The following CHRM3 variants were observed in gnomAD, a reference collection of about 807,000 sequenced individuals.
CHRM3 encodes cholinergic receptor muscarinic 3, also known as muscarinic acetylcholine receptor M3.
A neutral mutation model predicts 41.8 loss-of-function variants in CHRM3; 11 were observed. The ratio of observed to expected loss-of-function variants is 0.26; its 90% CI spans 0.17 to 0.44. CHRM3 has a LOEUF of 0.44. Among genes scored for constraint, CHRM3 ranks in the 20% least tolerant of loss-of-function variants. The pLI is 1.00. For missense variants in CHRM3, 571 were observed against 745.4 expected, an observed-to-expected ratio of 0.77 and a Z score of 2.72; for synonymous variants, 297 against 301.4, an observed-to-expected ratio of 0.99 and a Z score of 0.15.
At chr1:239,637,517 C>CTTTTTTTTTTTTTTTTTTTT (rs149963225) in intron 4 of CHRM3, among the ~76,000 whole-genome samples, 1 of 48,514 alleles carries the variant, frequency 2.1e-5, no homozygotes, top group Non-Finnish European at 3.5e-5. Flanking sequence ...TCATCAAAGT[C>CTTTTTTTTTTTTTTTTTTTT]TTTTTTTTTT....
At chr1:239,703,300 C>CA (rs1160259557) in intron 5 of CHRM3, 3 of 152,006 alleles carry the variant, frequency 2.0e-5, no homozygotes, top group Admixed American at 6.6e-5. Context: ...TGTCTGTGGA[C>CA]AAAAAAGCAA....
At chr1:239,885,706 G>A (rs1300049617) in intron 6 of CHRM3, among the ~76,000 whole-genome samples, 1 of 152,144 alleles carries the variant, frequency 6.6e-6, no homozygotes, top group Non-Finnish European at 1.5e-5. Flanking sequence ...CAGCGACCAA[G>A]CCATTAATCC....
chr1:239,801,674 C>T (rs1670225585), intron 5 of CHRM3, among the ~76,000 whole-genome samples: 1 of 152,122 alleles, frequency 6.6e-6, no homozygotes, highest in Non-Finnish European at 1.5e-5. Context: ...CTATAATCAG[C>T]TGTTACAAAT....
intron 3 of CHRM3, among the ~76,000 whole-genome samples, chr1:239,608,615 G>A (rs570212692): frequency 4.6e-5 from 7 of 152,092 alleles, no homozygotes; most frequent in South Asian, 2.1e-4. Flanking sequence ...AGAACATTTC[G>A]TATCTTTGAG....
rs142307073 is a variant in CHRM3, at chr1:239,573,318, A to C, written c.-313+27569A>C. Among the ~76,000 whole-genome samples, 29 of 152,294 alleles carry C rather than the reference A, an allele frequency of 1.9e-4. No homozygotes were observed. The East Asian group carries it at 2.9e-3, about 15-fold the overall frequency. On this transcript the variant is annotated intron_variant, in intron 3 of 6. Coordinates refer to ENST00000676153, the MANE Select transcript of CHRM3 (RefSeq NM_001375978.1). ...CGTGAAGAAAATCAAAGAGATGAGG[A>C]TGCTGAGTAATATCACCTTAAAATG...
chr1:239,878,823 G>A (rs980847917), intron 6 of CHRM3, among the ~76,000 whole-genome samples: 1 of 151,924 alleles, frequency 6.6e-6, no homozygotes, highest in African/African-American at 2.4e-5. Context: ...GCCACGTGAG[G>A]GTACATGCTG....
chr1:239,768,145 G>T lies in CHRM3; in HGVS notation c.-146-59107G>T, dbSNP rs1199969023. 2.6e-5 allele frequency among the ~76,000 whole-genome samples: 4 copies of T among 152,158 alleles called. No homozygotes were observed. The East Asian group carries it at 5.8e-4, about 22-fold the overall frequency. ...TCTCTTCATTGCAAGTCATCTCAGA[G>T]GCTTTAATTTGCTAATATGCACTGT... On this transcript the variant is annotated intron_variant, in intron 5 of 6. Transcript: ENST00000676153.
intron 5 of CHRM3, among the ~76,000 whole-genome samples, chr1:239,686,250 A>G (rs1400244475): frequency 6.6e-6 from 1 of 152,172 alleles, no homozygotes; most frequent in Non-Finnish European, 1.5e-5. Context: ...GCTTTGTTCT[A>G]TAAACTTATC....
chr1:239,875,242 C>G (rs1027592400), intron 6 of CHRM3, among the ~76,000 whole-genome samples: 2 of 152,310 alleles, frequency 1.3e-5, no homozygotes, highest in South Asian at 4.1e-4. Flanking sequence ...GGGGGTTACA[C>G]AGAGAGCTAA....
intron 6 of CHRM3, among the ~76,000 whole-genome samples, chr1:239,834,851 T>G (rs79708762): frequency 0.014 from 2,093 of 152,300 alleles, 24 homozygotes; most frequent in East Asian, 0.062. Flanking sequence ...CTCAATGATA[T>G]TCACTGGGTA....
chr1:239,780,053 C>A (rs1290494686), intron 5 of CHRM3, among the ~76,000 whole-genome samples: 1 of 152,154 alleles, frequency 6.6e-6, no homozygotes, highest in Non-Finnish European at 1.5e-5. Context: ...TGGTTGCTTT[C>A]AAGTTTTAGC....
At chr1:239,651,044 C>T (rs1248654539) in intron 4 of CHRM3, among the ~76,000 whole-genome samples, 1 of 152,110 alleles carries the variant, frequency 6.6e-6, no homozygotes, top group African/African-American at 2.4e-5. Flanking sequence ...TGACAGCAAA[C>T]CTAGCTCAGT....
At chr1:239,459,389 T>G (rs1436269759) in intron 1 of CHRM3, among the ~76,000 whole-genome samples, 2 of 152,152 alleles carry the variant, frequency 1.3e-5, no homozygotes, top group African/African-American at 2.4e-5. Flanking sequence ...TATTTAACCC[T>G]CTTAAATTTC....
intron 2 of CHRM3, among the ~76,000 whole-genome samples, chr1:239,493,577 G>A (rs1157749922): frequency 6.6e-6 from 1 of 152,102 alleles, no homozygotes; most frequent in African/African-American, 2.4e-5. Context: ...AGGCTGCCAA[G>A]CACACAATAG....
At chr1:239,791,831 G>A (rs1053256020) in intron 5 of CHRM3, among the ~76,000 whole-genome samples, 1 of 152,206 alleles carries the variant, frequency 6.6e-6, no homozygotes, top group Non-Finnish European at 1.5e-5. Flanking sequence ...TATGGATTCA[G>A]CTGTGAACAT....
At chr1:239,509,867 C>G (rs2148191025) in intron 2 of CHRM3, among the ~76,000 whole-genome samples, 1 of 152,232 alleles carries the variant, frequency 6.6e-6, no homozygotes, top group South Asian at 2.1e-4. Context: ...GTGGGCAGAT[C>G]ACCTGAGGTC....
At chr1:239,570,256 C>G (rs982048307) in intron 3 of CHRM3, among the ~76,000 whole-genome samples, 6 of 152,196 alleles carry the variant, frequency 3.9e-5, no homozygotes, top group South Asian at 4.2e-4. Context: ...TCCTTCCTGC[C>G]ACCTTGTGAA....
chr1:239,905,706 T>A (rs957395386), intron 6 of CHRM3, among the ~76,000 whole-genome samples: 1 of 152,028 alleles, frequency 6.6e-6, no homozygotes, highest in African/African-American at 2.4e-5. Flanking sequence ...TCAAAAAATA[T>A]AATATAATAA....
In CHRM3 at chr1:239,522,383, C is replaced by T. The variant is rs143606681; in HGVS notation, c.-421-23258C>T. ...GCCTCTTGGAAGCTGGGGCCAGAGT[C>T]CCACCCAATCCCTTAGTAGATCGTC... On this transcript the variant is annotated intron_variant, in intron 2 of 6. Coordinates refer to ENST00000676153, the MANE Select transcript of CHRM3 (RefSeq NM_001375978.1). 3.0e-3 allele frequency among the ~76,000 whole-genome samples: 453 copies of T among 152,316 alleles called. 2 individuals carry two copies. The highest frequency in any genetic ancestry group is 5.0e-3 in the Non-Finnish European group (342 of 68,042).
Sources: gnomAD v4.1 joint callset for allele counts (sites outside exome capture counted in the v4.1 genomes callset) on GRCh38, gnomAD v4.1.1 for gene constraint, MANE v1.5 for transcripts, NCBI Gene and HGNC (gene_info 2026-07-23, HGNC 2026-07-21) for gene names.